RPTOR: variants seen among roughly 807,000 people sequenced by gnomAD.
RPTOR encodes the protein regulatory-associated protein of mTOR.
Under a neutral mutation model 169.9 loss-of-function variants are expected in RPTOR, and 21 were observed. That is an observed-to-expected ratio of 0.12 (90% confidence interval 0.09 to 0.18). RPTOR has a LOEUF of 0.18. Ranked by LOEUF, RPTOR falls within the 10% of genes least tolerant of loss-of-function variation. The pLI is 1.00. For synonymous variants in RPTOR, 732 were observed against 753.2 expected (o/e 0.97, Z 0.46); for missense variants, 1,133 against 1,855.9 (o/e 0.61, Z 7.16).
At chr17:80,551,406 G>C (rs550785532) in intron 1 of RPTOR, among the ~76,000 whole-genome samples, 1 of 152,290 alleles carries the variant, frequency 6.6e-6, no homozygotes, top group East Asian at 1.9e-4. Context: ...GTGTTTCTCC[G>C]AGAGGGGGAT....
In RPTOR at chr17:80,837,928, C is replaced by T. The variant is rs1348188987; in HGVS notation, c.1143C>T (p.Ala381=). Residue 381 remains alanine (A), a synonymous_variant, in exon 10 of 34, where the codon GCC becomes GCT. Coordinates refer to ENST00000306801, the MANE Select transcript of RPTOR (RefSeq NM_020761.3). ...PPTYMHAMWQ[A]WDLAVDICLS... ...TCCTCTGTTCTCTCCGCAGGCAAGCCTGGGACCTGGCTGTTGACATCTGTC... is the reference window on the plus strand; with the variant it reads ...TCCTCTGTTCTCTCCGCAGGCAAGCTTGGGACCTGGCTGTTGACATCTGTC... 8 of 1,611,618 alleles carry T rather than the reference C, an allele frequency of 5.0e-6. No homozygotes were observed. The Admixed American group carries it at 1.3e-4, about 27-fold the overall frequency.
chr17:80,665,576 G>A (rs974205372), intron 3 of RPTOR, among the ~76,000 whole-genome samples: 1 of 139,914 alleles, frequency 7.1e-6, no homozygotes, highest in Non-Finnish European at 1.5e-5. Context: ...ACAGAGTCTC[G>A]TTCTGTCACC....
chr17:80,615,600 T>A lies in RPTOR; in HGVS notation c.163-10091T>A, dbSNP rs911207612. 5.9e-5 allele frequency among the ~76,000 whole-genome samples: 9 copies of A among 152,178 alleles called. 1 individual carries two copies. The highest frequency in any genetic ancestry group is 2.2e-4 in the African/African-American group (9 of 41,450). ...CTGTGCAAGACCTTTGATTCACCCA[T>A]GCCTTTCATCTCTGATACCCACTTA... is the stretch of plus-strand genomic sequence containing the variant. On this transcript the variant is annotated intron_variant, in intron 1 of 33. Transcript: ENST00000306801.
chr17:80,618,894 G>C (rs1017206973), intron 1 of RPTOR, among the ~76,000 whole-genome samples: 1 of 152,192 alleles, frequency 6.6e-6, no homozygotes, highest in African/African-American at 2.4e-5. Flanking sequence ...CTGCGGGTTT[G>C]GTGCTCACTT....
chr17:80,872,022 A>G (rs1190347386), intron 13 of RPTOR, among the ~76,000 whole-genome samples: 1 of 152,194 alleles, frequency 6.6e-6, no homozygotes, highest in African/African-American at 2.4e-5. Flanking sequence ...CTGCTCATCT[A>G]ACATAGTTTA....
intron 27 of RPTOR, among the ~76,000 whole-genome samples, chr17:80,948,323 G>A (rs547881098): frequency 2.8e-4 from 42 of 152,358 alleles, no homozygotes; most frequent in African/African-American, 9.4e-4. Flanking sequence ...CCCCTCCTCC[G>A]AGCGCTGCCC....
At chr17:80,587,083 A>G (rs932746756) in intron 1 of RPTOR, among the ~76,000 whole-genome samples, 1 of 152,236 alleles carries the variant, frequency 6.6e-6, no homozygotes, top group African/African-American at 2.4e-5. Context: ...GAATATCCAG[A>G]AACAACACGG....
chr17:80,852,643 C>A (rs1405807537), intron 11 of RPTOR, among the ~76,000 whole-genome samples: 3 of 152,204 alleles, frequency 2.0e-5, no homozygotes, highest in African/African-American at 7.2e-5. Flanking sequence ...ATGCTGGGAT[C>A]CCCTCCATAC....
At chr17:80,545,831 TC>T in intron 1 of RPTOR, 40 bp downstream of exon 1, 1 of 1,502,674 alleles carries the variant, frequency 6.7e-7, no homozygotes, top group Admixed American at 2.2e-5. Context: ...CTTGGTAGTT[TC>T]CCCAACAAAG....
chr17:80,952,079 A>G (rs1468026), intron 28 of RPTOR, among the ~76,000 whole-genome samples: 23,557 of 152,098 alleles, frequency 0.15, 4,869 homozygotes, highest in African/African-American at 0.48. Context: ...TTGCTGGGGG[A>G]TGTCTCACGG....
intron 1 of RPTOR, among the ~76,000 whole-genome samples, chr17:80,599,159 G>A (rs990527212): frequency 7.9e-5 from 12 of 152,086 alleles, no homozygotes; most frequent in African/African-American, 2.9e-4. Context: ...GGCTGACTCG[G>A]GACTGTAGAC....
At chr17:80,799,150 G>C (rs943252236) in intron 7 of RPTOR, among the ~76,000 whole-genome samples, 1 of 152,224 alleles carries the variant, frequency 6.6e-6, no homozygotes, top group Non-Finnish European at 1.5e-5. Context: ...CTTGGATCCA[G>C]GTTAATGGTG....
In RPTOR at chr17:80,695,361, C is replaced by T. The variant is rs536907844; in HGVS notation, c.349-12480C>T. 2.0e-5 allele frequency among the ~76,000 whole-genome samples: 3 copies of T among 152,308 alleles called. No homozygotes were observed. Among genetic ancestry groups the T allele is most frequent in the African/African-American group, 4.8e-5 (2 of 41,570 alleles). On this transcript the variant is annotated intron_variant, in intron 3 of 33. Coordinates refer to ENST00000306801, the MANE Select transcript of RPTOR (RefSeq NM_020761.3). The surrounding 1 kb of genome is among the most constrained non-coding windows in gnomAD (Gnocchi z 4.9). ...AATTGAGGTTTGGTTTTGTTCATGA[C>T]GTTGCCAGGTCGAATGGCTGGTGAA...
intron 21 of RPTOR, among the ~76,000 whole-genome samples, chr17:80,919,738 G>A (rs1046133610): frequency 5.3e-5 from 8 of 152,180 alleles, no homozygotes; most frequent in South Asian, 2.1e-4. Flanking sequence ...CTGAGCATTC[G>A]ACTGTTAGCA....
chr17:80,826,057 G>A (rs2067439338), intron 9 of RPTOR, among the ~76,000 whole-genome samples: 1 of 152,120 alleles, frequency 6.6e-6, no homozygotes, highest in Admixed American at 6.5e-5. Context: ...GGAGGTGAGT[G>A]GGCCTGCCTG....
intron 13 of RPTOR, among the ~76,000 whole-genome samples, chr17:80,862,915 G>A (rs913120950): frequency 4.6e-5 from 7 of 152,164 alleles, no homozygotes; most frequent in Admixed American, 1.3e-4. Context: ...CCCTGCTGCC[G>A]CCAGCCGGCC....
At chr17:80,837,244 G>C (rs1002875853) in intron 9 of RPTOR, among the ~76,000 whole-genome samples, 2 of 152,144 alleles carry the variant, frequency 1.3e-5, no homozygotes, top group African/African-American at 4.8e-5. Flanking sequence ...GGGGGGAGCA[G>C]CTCTATGCAT....
At chr17:80,661,400 T>C (rs1872431) in intron 3 of RPTOR, among the ~76,000 whole-genome samples, 15,992 of 152,174 alleles carry the variant, frequency 0.11, 955 homozygotes, top group Middle Eastern at 0.13. Flanking sequence ...TCTCTAGGTC[T>C]CAGCAGAGGA....
rs1180368968 is a variant in RPTOR at position 80,695,860 on chromosome 17, C to T, written c.349-11981C>T. On this transcript the variant is annotated intron_variant, in intron 3 of 33. Transcript: ENST00000306801. The surrounding 1 kb of genome is among the most constrained non-coding windows in gnomAD (Gnocchi z 4.9). ...AGCTGGTGGGCCAAGGGCCGCAGAC[C>T]ACTTTTGCCCTGCATGGCCTCGTGG... Among the ~76,000 whole-genome samples the T allele has an allele frequency of 6.6e-6, 1 of 152,218 alleles. No homozygotes were observed. The highest frequency in any genetic ancestry group is 1.5e-5 in the Non-Finnish European group (1 of 68,042).
Sources: gnomAD v4.1 joint callset for allele counts (sites outside exome capture counted in the v4.1 genomes callset) on GRCh38, gnomAD v4.1.1 for gene constraint, Gnocchi (gnomAD v3.1) non-coding constraint, MANE v1.5 for transcripts, NCBI Gene and HGNC (gene_info 2026-07-23, HGNC 2026-07-21) for gene names.